The following MAN1C1 variants were observed in gnomAD, a reference collection of about 807,000 sequenced individuals.
The protein encoded by MAN1C1 is mannosyl-oligosaccharide 1,2-alpha-mannosidase IC.
MAN1C1 carries 49 observed loss-of-function variants against 71.5 expected under a neutral mutation model. The ratio of observed to expected loss-of-function variants is 0.69; its 90% CI spans 0.54 to 0.87. The LOEUF is 0.87. Among genes scored for constraint, MAN1C1 ranks in the 40% least tolerant of loss-of-function variants. MAN1C1 has a pLI of 0.00. For synonymous variants in MAN1C1, 352 were observed against 343.7 expected (o/e 1.02, Z -0.27); for missense variants, 743 against 835.0 (o/e 0.89, Z 1.36).
In MAN1C1 at chr1:25,755,081, G is replaced by A. The variant is rs559170296; in HGVS notation, c.929+1503G>A. ...CCCCCGGCAGGGCTCGCTGTGGGCA[G>A]CCCCAACAGGAGGGGGAAGAACGTG... On this transcript the variant is annotated intron_variant, in intron 5 of 11. Transcript: ENST00000374332. Among the ~76,000 whole-genome samples the A allele has an allele frequency of 9.2e-4, 140 of 152,292 alleles. 1 individual carries two copies. Among genetic ancestry groups the A allele is most frequent in the African/African-American group, 2.5e-3 (102 of 41,570 alleles).
At chr1:25,691,315 A>AAAC (rs1163897960) in intron 2 of MAN1C1, among the ~76,000 whole-genome samples, 1 of 152,166 alleles carries the variant, frequency 6.6e-6, no homozygotes, top group Non-Finnish European at 1.5e-5. Context: ...TCTGTCTCAA[A>AAAC]AACAACAACA....
intron 2 of MAN1C1, among the ~76,000 whole-genome samples, chr1:25,722,206 C>T (rs534298742): frequency 5.3e-5 from 8 of 152,276 alleles, no homozygotes; most frequent in Middle Eastern, 3.4e-3. Context: ...GCTTATAGGG[C>T]GTACTCTTTG....
chr1:25,755,941 G>A (rs2047280315), intron 5 of MAN1C1, among the ~76,000 whole-genome samples: 1 of 152,192 alleles, frequency 6.6e-6, no homozygotes, highest in Non-Finnish European at 1.5e-5. Context: ...CTGGGATGCT[G>A]CCCAGAGCAG....
chr1:25,690,354 G>C (rs1041558224), intron 2 of MAN1C1, among the ~76,000 whole-genome samples: 1 of 145,164 alleles, frequency 6.9e-6, no homozygotes, highest in African/African-American at 2.6e-5. Flanking sequence ...GTGCAGTAGT[G>C]CGATCTCAGC....
At chr1:25,717,042 G>A (rs1166521004) in intron 2 of MAN1C1, among the ~76,000 whole-genome samples, 1 of 152,178 alleles carries the variant, frequency 6.6e-6, no homozygotes, top group Non-Finnish European at 1.5e-5. Flanking sequence ...ATATGGATAT[G>A]CTATGGTTTA....
chr1:25,742,969 G>A (rs929829472), intron 2 of MAN1C1, among the ~76,000 whole-genome samples: 6 of 152,252 alleles, frequency 3.9e-5, no homozygotes, highest in Admixed American at 2.0e-4. Context: ...ATGAACAATC[G>A]GTTCAATGAA....
rs767690937 is a variant in MAN1C1 at position 25,753,543 on chromosome 1, C to A, written c.894C>A (p.Pro298=). The change falls in exon 5 of 12, where the codon CCC becomes CCA. Residue 298 remains proline (P), a synonymous_variant. Transcript: ENST00000374332. The surrounding 1 kb of genome is among the most constrained non-coding windows in gnomAD (Gnocchi z 4.9). ...GEKLLPAFNT[P]TGIPKGVVSF... ...AGCTCCTGCCGGCGTTCAACACCCC[C>A]ACGGGAATCCCAAAGGGCGTGGTGA... 18 of 1,613,826 alleles carry A rather than the reference C, an allele frequency of 1.1e-5. No individual in the cohort carries two copies. The highest frequency in any genetic ancestry group is 1.5e-5 in the Non-Finnish European group (18 of 1,179,884).
At position 25,782,614 on chromosome 1, in the gene MAN1C1, C is replaced by T. The variant is rs370236094; in HGVS notation, c.1680C>T (p.Ala560=). Residue 560 remains alanine (A), a synonymous_variant, in exon 11 of 12, where the codon GCC becomes GCT. Coordinates refer to ENST00000374332, the MANE Select transcript of MAN1C1 (RefSeq NM_020379.4). This position sits in a 1 kb window ranked among gnomAD's most constrained non-coding sequence, Gnocchi z 4.4. ...LALEKYCRTE[A]GFSGIQDVYS... ...TGGAGAAATACTGTCGGACAGAAGC[C>T]GGTTTCTCTGGGATCCAAGACGTGT... 1,323 of 1,614,042 alleles carry T rather than the reference C, an allele frequency of 8.2e-4. 16 individuals are homozygous for T. The South Asian group carries it at 0.013, about 16-fold the overall frequency.
chr1:25,676,095 A>G (rs1394236671), intron 1 of MAN1C1, among the ~76,000 whole-genome samples: 3 of 152,258 alleles, frequency 2.0e-5, no homozygotes, highest in African/African-American at 7.2e-5. Context: ...TTGAGCAGCG[A>G]GAGTTTCTCT....
intron 1 of MAN1C1, among the ~76,000 whole-genome samples, chr1:25,672,753 T>C (rs2046009489): frequency 6.6e-6 from 1 of 152,130 alleles, no homozygotes; most frequent in Admixed American, 6.5e-5. Context: ...ATTAGAACAT[T>C]TGGGGGCCAT....
intron 2 of MAN1C1, among the ~76,000 whole-genome samples, chr1:25,726,230 A>T (rs1175789707): frequency 1.3e-5 from 2 of 152,126 alleles, no homozygotes; most frequent in African/African-American, 4.8e-5. Context: ...TGGCTCCTGC[A>T]CCTGGGGAAA....
At chr1:25,747,199 G>A (rs989926375) in intron 3 of MAN1C1, among the ~76,000 whole-genome samples, 3 of 152,222 alleles carry the variant, frequency 2.0e-5, no homozygotes, top group Non-Finnish European at 4.4e-5. Flanking sequence ...CCTTGAGCCC[G>A]CCCTGCACTG....
intron 1 of MAN1C1, among the ~76,000 whole-genome samples, chr1:25,660,396 C>CCTTTT (rs1389255801): frequency 1.3e-3 from 125 of 97,634 alleles, no homozygotes; most frequent in African/African-American, 5.8e-3. Flanking sequence ...AGTGAAATTC[C>CCTTTT]TTTTTTTTTT....
chr1:25,763,340 T>C (rs2047385003), intron 6 of MAN1C1, among the ~76,000 whole-genome samples: 1 of 151,668 alleles, frequency 6.6e-6, no homozygotes. Context: ...AATACAAAAA[T>C]TAGCCAGGAG....
At chr1:25,742,721 A>G (rs1035007773) in intron 2 of MAN1C1, among the ~76,000 whole-genome samples, 3 of 152,270 alleles carry the variant, frequency 2.0e-5, no homozygotes, top group Non-Finnish European at 4.4e-5. Flanking sequence ...ACAAAGAGGT[A>G]GAATGGCTTG....
chr1:25,771,659 C>T lies in MAN1C1; in HGVS notation c.1144C>T (p.His382Tyr), dbSNP rs148747614. 6.5e-5 allele frequency: 104 copies of T among 1,610,578 alleles called. No individual in the cohort carries two copies. Among genetic ancestry groups the T allele is most frequent in the Non-Finnish European group, 8.3e-5 (98 of 1,176,898 alleles). ...SPVSGNWVQH[H>Y]VSVGGLGDSF... is the part of the protein sequence containing the mutation. Reference sequence around the variant, plus strand: ...TCTTGTCCTCTTTCCCTTCACAGACCATGTCTCAGTTGGAGGACTCGGGGA... The same window carrying T: ...TCTTGTCCTCTTTCCCTTCACAGACTATGTCTCAGTTGGAGGACTCGGGGA... Residue 382 changes from histidine to tyrosine, a missense_variant and splice_region_variant, in exon 8 of 12, where the codon CAT becomes TAT. By Grantham distance (83) the His-to-Tyr change is moderately conservative (BLOSUM62 2). Transcript: ENST00000374332.
intron 2 of MAN1C1, among the ~76,000 whole-genome samples, chr1:25,703,861 G>A (rs1431148568): frequency 6.6e-6 from 1 of 152,188 alleles, no homozygotes; most frequent in Non-Finnish European, 1.5e-5. Flanking sequence ...TGTCAGCCCT[G>A]CTTTCCTTCA....
chr1:25,645,615 T>C (rs2045601846), intron 1 of MAN1C1: 1 of 152,250 alleles, frequency 6.6e-6, no homozygotes, highest in Non-Finnish European at 1.5e-5. Flanking sequence ...GATAACACCA[T>C]GTTCCTCTCA....
At chr1:25,624,651 C>T (rs1296522066) in intron 1 of MAN1C1, among the ~76,000 whole-genome samples, 1 of 152,232 alleles carries the variant, frequency 6.6e-6, no homozygotes, top group Non-Finnish European at 1.5e-5. Flanking sequence ...CTGGCATCTT[C>T]TTGGGAGTCA....
Sources: allele counts gnomAD v4.1 joint callset (sites outside exome capture counted in the v4.1 genomes callset), GRCh38; gene constraint gnomAD v4.1.1; non-coding constraint Gnocchi (gnomAD v3.1); transcripts MANE v1.5; gene names NCBI Gene and HGNC (gene_info 2026-07-23, HGNC 2026-07-21).